FHIT: variants seen among roughly 807,000 people sequenced by gnomAD.
The protein encoded by FHIT is fragile histidine triad diadenosine triphosphatase, also known as bis(5'-adenosyl)-triphosphatase.
FHIT carries 19 observed loss-of-function variants against 17.9 expected under a neutral mutation model. The observed-to-expected ratio is 1.06, with a 90% CI of 0.74 to 1.56. FHIT has a LOEUF of 1.56. FHIT is among the 40% of genes most tolerant of loss of function. FHIT has a pLI of 0.00. For missense variants in FHIT, 248 were observed against 189.2 expected (o/e 1.31, Z -1.82); for synonymous variants, 81 against 69.7 (o/e 1.16, Z -0.81).
At chr3:61,081,760 C>T (rs932417828) in intron 2 of FHIT, among the ~76,000 whole-genome samples, 13 of 152,184 alleles carry the variant, frequency 8.5e-5, no homozygotes, top group Non-Finnish European at 1.5e-4. Context: ...TCCAGTATGA[C>T]CTCATCTTAA....
chr3:60,984,323 A>G (rs1230765648), intron 3 of FHIT, among the ~76,000 whole-genome samples: 4 of 152,206 alleles, frequency 2.6e-5, no homozygotes, highest in African/African-American at 9.6e-5. Context: ...TTGATCTGCT[A>G]ATGTTCTTCT....
intron 8 of FHIT, among the ~76,000 whole-genome samples, chr3:59,853,102 G>A (rs1242381559): frequency 6.6e-6 from 1 of 152,170 alleles, no homozygotes; most frequent in East Asian, 1.9e-4. Flanking sequence ...TCGCCAAACT[G>A]TATTCCAAAG....
At chr3:60,715,233 G>T (rs367782433) in intron 4 of FHIT, among the ~76,000 whole-genome samples, 213 of 151,782 alleles carry the variant, frequency 1.4e-3, no homozygotes, top group African/African-American at 5.0e-3. Context: ...GCTAGCCATA[G>T]GTAGAAAGCT....
chr3:59,897,063 A>T (rs1704104469), intron 8 of FHIT, among the ~76,000 whole-genome samples: 1 of 152,138 alleles, frequency 6.6e-6, no homozygotes, highest in Admixed American at 6.5e-5. Context: ...TTCCAACTGC[A>T]GTTCTTATCA....
intron 5 of FHIT, among the ~76,000 whole-genome samples, chr3:60,154,716 G>C (rs907571892): frequency 3.5e-4 from 54 of 152,188 alleles, no homozygotes; most frequent in African/African-American, 1.3e-3. Context: ...ATGATTAAAA[G>C]GCACAATTAA....
intron 5 of FHIT, among the ~76,000 whole-genome samples, chr3:60,429,880 T>C (rs1209892354): frequency 6.6e-6 from 1 of 151,964 alleles, no homozygotes; most frequent in African/African-American, 2.4e-5. Flanking sequence ...GAGCAAGCAT[T>C]TCCATTCTTT....
At chr3:60,109,836 G>A (rs1181747337) in intron 5 of FHIT, among the ~76,000 whole-genome samples, 2 of 152,122 alleles carry the variant, frequency 1.3e-5, no homozygotes, top group Non-Finnish European at 2.9e-5. Flanking sequence ...GTTGGCTACT[G>A]ACCCACAGTA....
At chr3:61,207,052 C>T (rs1225368489) in intron 1 of FHIT, among the ~76,000 whole-genome samples, 1 of 152,088 alleles carries the variant, frequency 6.6e-6, no homozygotes, top group African/African-American at 2.4e-5. Context: ...TTGTCAAAGG[C>T]CTTTTCTGCA....
intron 5 of FHIT, among the ~76,000 whole-genome samples, chr3:60,027,347 A>G (rs1309848712): frequency 1.3e-5 from 2 of 152,150 alleles, no homozygotes; most frequent in Non-Finnish European, 2.9e-5. Flanking sequence ...ATTCCTCCTG[A>G]AGAATCCTAA....
chr3:59,948,514 C>T (rs1039370554), intron 7 of FHIT, among the ~76,000 whole-genome samples: 6 of 149,594 alleles, frequency 4.0e-5, no homozygotes, highest in African/African-American at 1.5e-4. Context: ...GAGATTCTGT[C>T]TAAAAAAAAT....
intron 4 of FHIT, among the ~76,000 whole-genome samples, chr3:60,577,874 G>C (rs564791459): frequency 6.6e-6 from 1 of 152,076 alleles, no homozygotes; most frequent in East Asian, 1.9e-4. Context: ...TCTAATATTA[G>C]CTAACAATAA....
chr3:59,755,795 A>G (rs1014257395), intron 8 of FHIT, among the ~76,000 whole-genome samples: 2 of 152,172 alleles, frequency 1.3e-5, no homozygotes, highest in African/African-American at 4.8e-5. Context: ...CCTCATTGCA[A>G]AGGCTTTTGA....
chr3:60,377,606 C>T (rs34687143), intron 5 of FHIT, among the ~76,000 whole-genome samples: 20,817 of 148,670 alleles, frequency 0.14, 3,614 homozygotes, highest in African/African-American at 0.4. Flanking sequence ...CTCAGCCTCC[C>T]GAGTAGCTGG....
chr3:60,762,683 G>A (rs933071285), intron 4 of FHIT, among the ~76,000 whole-genome samples: 9 of 152,168 alleles, frequency 5.9e-5, no homozygotes, highest in African/African-American at 2.2e-4. Flanking sequence ...ATTTTTAGAT[G>A]AGATTCATCA....
At chr3:59,924,752 C>A (rs890157952) in intron 7 of FHIT, among the ~76,000 whole-genome samples, 1 of 152,212 alleles carries the variant, frequency 6.6e-6, no homozygotes, top group African/African-American at 2.4e-5. Flanking sequence ...TTTGTGAAAG[C>A]TGATTTCTGT....
chr3:60,709,716 G>C (rs1559657811), intron 4 of FHIT, among the ~76,000 whole-genome samples: 1 of 152,132 alleles, frequency 6.6e-6, no homozygotes, highest in African/African-American at 2.4e-5. Flanking sequence ...ATTAGAAAAA[G>C]TCTTTAAGTA....
chr3:61,048,486 T>C (rs1451833732), intron 2 of FHIT, among the ~76,000 whole-genome samples: 1 of 152,180 alleles, frequency 6.6e-6, no homozygotes, highest in Non-Finnish European at 1.5e-5. Context: ...CAACAGGTGC[T>C]GGAGAGGATG....
chr3:60,282,058 A>T (rs1707486103), intron 5 of FHIT, among the ~76,000 whole-genome samples: 1 of 152,176 alleles, frequency 6.6e-6, no homozygotes, highest in African/African-American at 2.4e-5. Context: ...TGTTGGTGGA[A>T]ATAATGGTAA....
intron 4 of FHIT, among the ~76,000 whole-genome samples, chr3:60,622,766 G>C (rs548596799): frequency 1.3e-4 from 20 of 152,246 alleles, no homozygotes; most frequent in Non-Finnish European, 2.2e-4. Flanking sequence ...CGCTAGAATC[G>C]CTCATGAAGT....
Sources: allele counts gnomAD v4.1 joint callset (sites outside exome capture counted in the v4.1 genomes callset), GRCh38; gene constraint gnomAD v4.1.1; transcripts MANE v1.5; gene names NCBI Gene and HGNC (gene_info 2026-07-23, HGNC 2026-07-21).